RXRA: variants seen among roughly 807,000 people sequenced by gnomAD.
RXRA encodes retinoid X receptor alpha, also known as retinoic acid receptor RXR-alpha.
A neutral mutation model predicts 44.5 loss-of-function variants in RXRA; 5 were observed. That is an observed-to-expected ratio of 0.11 (90% CI 0.06 to 0.24). The LOEUF is 0.24. Among genes scored for constraint, RXRA ranks in the 10% least tolerant of loss-of-function variants. The pLI is 1.00. For missense variants in RXRA, 412 were observed against 646.5 expected (o/e 0.64, Z 3.93); for synonymous variants, 291 against 271.4 (o/e 1.07, Z -0.71).
chr9:134,436,582 G>C lies in RXRA; in HGVS notation c.1357G>C (p.Glu453Gln). ...CACACCCATTGACACCTTCCTTATG[G>C]AGATGCTGGAGGCGCCGCACCAAAT... ...GDTPIDTFLM[E>Q]MLEAPHQMT The change falls in exon 10 of 10, where the codon GAG becomes CAG. Residue 453 changes from glutamate to glutamine, a missense_variant. Transcript: ENST00000481739. 6.2e-7 allele frequency: 1 copy of C among 1,614,096 alleles called. No individual in the cohort carries two copies. The highest frequency in any genetic ancestry group is 8.5e-7 in the Non-Finnish European group (1 of 1,180,038).
intron 1 of RXRA, among the ~76,000 whole-genome samples, chr9:134,334,258 C>T (rs782245952): frequency 7.2e-5 from 11 of 152,370 alleles, no homozygotes; most frequent in Non-Finnish European, 1.5e-4. Context: ...TTGCAGCACC[C>T]AGTACAGGTA....
At chr9:134,338,099 G>T (rs1588249426) in intron 1 of RXRA, among the ~76,000 whole-genome samples, 1 of 152,214 alleles carries the variant, frequency 6.6e-6, no homozygotes, top group Non-Finnish European at 1.5e-5. Flanking sequence ...GGCTCAGGAA[G>T]GGCATGGAGG....
chr9:134,392,528 A>G (rs1198234452), intron 1 of RXRA, among the ~76,000 whole-genome samples: 1 of 152,148 alleles, frequency 6.6e-6, no homozygotes, highest in Non-Finnish European at 1.5e-5. Context: ...GCCTGGCCCC[A>G]GAGCTGCGCG....
At chr9:134,345,753 A>G (rs1554748710) in intron 1 of RXRA, among the ~76,000 whole-genome samples, 1 of 152,198 alleles carries the variant, frequency 6.6e-6, no homozygotes, top group Admixed American at 6.5e-5. Flanking sequence ...CAGCCGTGCC[A>G]TTGTCAGTGC....
chr9:134,345,958 C>T (rs1830145838), intron 1 of RXRA, among the ~76,000 whole-genome samples: 1 of 152,098 alleles, frequency 6.6e-6, no homozygotes. Context: ...TCAGGAGGTC[C>T]TCTCCTATAC....
At chr9:134,428,379 C>T (rs1246313103) in intron 6 of RXRA, among the ~76,000 whole-genome samples, 1 of 143,730 alleles carries the variant, frequency 7.0e-6, no homozygotes, top group Non-Finnish European at 1.5e-5. Flanking sequence ...CCCAGGGAAC[C>T]CCCACTATGT....
intron 4 of RXRA, among the ~76,000 whole-genome samples, chr9:134,415,178 G>A (rs1284211755): frequency 6.6e-6 from 1 of 152,198 alleles, no homozygotes; most frequent in Non-Finnish European, 1.5e-5. Flanking sequence ...GAAGTCCCTC[G>A]CTCAAGCCAG....
At position 134,366,700 on chromosome 9, in the gene RXRA, A is replaced by T. The variant is rs1830419079; in HGVS notation, c.29-34932A>T. On this transcript the variant is annotated intron_variant, in intron 1 of 9. Coordinates refer to ENST00000481739, the MANE Select transcript of RXRA (RefSeq NM_002957.6). This position sits in a 1 kb window ranked among gnomAD's most constrained non-coding sequence, Gnocchi z 5.9. ...CGCCAGCCTGATCTTCCTGCCTCAG[A>T]AGCTGAACCCCGGGGACAGTGTTGG... Among the ~76,000 whole-genome samples the T allele has an allele frequency of 6.6e-6, 1 of 152,124 alleles. No individual in the cohort carries two copies. Among genetic ancestry groups the T allele is most frequent in the Non-Finnish European group, 1.5e-5 (1 of 68,014 alleles).
At chr9:134,360,437 A>G (rs1200515618) in intron 1 of RXRA, among the ~76,000 whole-genome samples, 1 of 152,156 alleles carries the variant, frequency 6.6e-6, no homozygotes, top group Non-Finnish European at 1.5e-5. Flanking sequence ...TTGTGGCTGC[A>G]GGCGAGGCCC....
At chr9:134,337,500 G>A (rs1464005397) in intron 1 of RXRA, among the ~76,000 whole-genome samples, 4 of 152,192 alleles carry the variant, frequency 2.6e-5, no homozygotes, top group Admixed American at 1.3e-4. Flanking sequence ...CCCTCTTTGG[G>A]CCTTAGTTCT....
intron 1 of RXRA, among the ~76,000 whole-genome samples, chr9:134,328,170 C>A (rs1312554323): frequency 6.6e-6 from 1 of 152,136 alleles, no homozygotes; most frequent in Non-Finnish European, 1.5e-5. Context: ...ACACACACAT[C>A]CACACACACA....
In RXRA at chr9:134,326,504, C is replaced by G. The variant is rs1834910974; in HGVS notation, c.-128C>G. ...GCAACAACTCGCCGCGCCGCGGCCT[C>G]CGCGCGCCGCCGCCGCCACCGCAGC... On this transcript the variant is annotated 5_prime_UTR_variant, in exon 1 of 10. Transcript: ENST00000481739. 1 of 142,918 alleles carries G rather than the reference C, an allele frequency of 7.0e-6. No homozygotes were observed. Among genetic ancestry groups the G allele is most frequent in the East Asian group, 2.1e-4 (1 of 4,732 alleles). 8.9% of individuals were successfully genotyped at this position (142,918 alleles called of 1,614,324 possible). A position where few individuals can be genotyped will look rare whatever the true frequency, so the allele number is the denominator to read the frequency against.
At chr9:134,347,365 C>G (rs991261009) in intron 1 of RXRA, among the ~76,000 whole-genome samples, 1 of 152,224 alleles carries the variant, frequency 6.6e-6, no homozygotes, top group African/African-American at 2.4e-5. Context: ...TGCGGGTGCT[C>G]GTGGTCAGCC....
At chr9:134,351,864 G>A (rs1554749513) in intron 1 of RXRA, among the ~76,000 whole-genome samples, 1 of 152,234 alleles carries the variant, frequency 6.6e-6, no homozygotes, top group Non-Finnish European at 1.5e-5. Context: ...CAGCAGCTGC[G>A]GCTCTGGCGG....
chr9:134,425,280 C>T (rs547324072), intron 6 of RXRA: 1 of 985,362 alleles, frequency 1.0e-6, no homozygotes, highest in South Asian at 4.7e-5. Flanking sequence ...CCTACCCGTC[C>T]AGGAGGCCTT....
Position 134,366,965 on chromosome 9 carries a change from C to T in RXRA, c.29-34667C>T, listed in dbSNP as rs1337344629. ...TGGTTCCCGGGCCTGCACATCCCCA[C>T]CCCTGCCCTGCGTGCCACTCTCAGC... is the stretch of plus-strand genomic sequence containing the variant. On this transcript the variant is annotated intron_variant, in intron 1 of 9. Transcript: ENST00000481739. The surrounding 1 kb of genome is among the most constrained non-coding windows in gnomAD (Gnocchi z 5.9). Among the ~76,000 whole-genome samples, 2 of 152,104 alleles carry T rather than the reference C, an allele frequency of 1.3e-5. No homozygotes were observed. The highest frequency in any genetic ancestry group is 6.5e-5 in the Admixed American group (1 of 15,276).
chr9:134,375,267 CCAGAGCG>C (rs1169267464), intron 1 of RXRA, among the ~76,000 whole-genome samples: 1 of 152,092 alleles, frequency 6.6e-6, no homozygotes, highest in East Asian at 1.9e-4. Context: ...GCAGGCCGGG[CCAGAGCG>C]CGTGTCACTG....
rs187173995 is a variant in RXRA, at chr9:134,333,884, G to A, written c.28+7225G>A. Among the ~76,000 whole-genome samples the A allele has an allele frequency of 4.4e-3, 674 of 152,278 alleles. 3 individuals carry two copies. Among genetic ancestry groups the A allele is most frequent in the Non-Finnish European group, 6.0e-3 (408 of 68,010 alleles). On this transcript the variant is annotated intron_variant, in intron 1 of 9. Transcript: ENST00000481739. Reference sequence around the variant, plus strand: ...GCCCTGTGCCTCTGCCGGGACTCCCGCTGCCTGCTCTTCCCTCTCCACCTG... The same window carrying A: ...GCCCTGTGCCTCTGCCGGGACTCCCACTGCCTGCTCTTCCCTCTCCACCTG...
chr9:134,383,463 C>T (rs1187276148), intron 1 of RXRA, among the ~76,000 whole-genome samples: 1 of 152,134 alleles, frequency 6.6e-6, no homozygotes, highest in Non-Finnish European at 1.5e-5. Context: ...AACCCTGGGG[C>T]AGGGGTAGGA....
Sources: gnomAD v4.1 joint callset for allele counts (sites outside exome capture counted in the v4.1 genomes callset) on GRCh38, gnomAD v4.1.1 for gene constraint, Gnocchi (gnomAD v3.1) non-coding constraint, MANE v1.5 for transcripts, NCBI Gene and HGNC (gene_info 2026-07-23, HGNC 2026-07-21) for gene names.